Variants in COQ7 observed in about 807,000 individuals in gnomAD.
The protein encoded by COQ7 is NADPH-dependent 3-demethoxyubiquinone 3-hydroxylase, mitochondrial.
A neutral mutation model predicts 25.0 loss-of-function variants in COQ7; 21 were observed. The ratio of observed to expected loss-of-function variants is 0.84; its 90% confidence interval spans 0.60 to 1.21. The LOEUF is 1.21. COQ7 is among the 50% of genes most tolerant of loss of function. COQ7 has a pLI of 0.00. For synonymous variants in COQ7, 125 were observed against 112.4 expected (o/e 1.11, Z -0.71); for missense variants, 311 against 296.2 (o/e 1.05, Z -0.37).
intron 1 of COQ7, chr16:19,068,981 T>C (rs1235858669): frequency 2.5e-6 from 1 of 405,220 alleles, no homozygotes; most frequent in Non-Finnish European, 4.9e-6. Flanking sequence ...GTTGGGAAAG[T>C]GTTAAGGCTA....
chr16:19,075,047 C>T (rs369066700), intron 3 of COQ7, among the ~76,000 whole-genome samples: 6 of 152,076 alleles, frequency 3.9e-5, no homozygotes, highest in Non-Finnish European at 7.4e-5. Context: ...CTCTTGGCCA[C>T]GGTCAGGATA....
At chr16:19,070,008 T>G (rs968394056) in intron 1 of COQ7, among the ~76,000 whole-genome samples, 5 of 152,014 alleles carry the variant, frequency 3.3e-5, no homozygotes, top group African/African-American at 1.2e-4. Flanking sequence ...GGTCTTGAAC[T>G]CCTGGTCTCA....
downstream of COQ7, among the ~76,000 whole-genome samples, chr16:19,082,999 T>G (rs1365229754): frequency 6.6e-6 from 1 of 152,046 alleles, no homozygotes; most frequent in Non-Finnish European, 1.5e-5. Context: ...TACAGAGTGT[T>G]TTTTTGGGTG....
At chr16:19,070,400 A>G (rs1396811667) in intron 1 of COQ7, among the ~76,000 whole-genome samples, 2 of 152,234 alleles carry the variant, frequency 1.3e-5, no homozygotes, top group African/African-American at 2.4e-5. Flanking sequence ...CATAAAAGAC[A>G]TGGTAGTCAC....
chr16:19,070,382 G>T (rs1381489212), intron 1 of COQ7, among the ~76,000 whole-genome samples: 2 of 152,194 alleles, frequency 1.3e-5, no homozygotes, highest in African/African-American at 4.8e-5. Context: ...TAAGTGAAAA[G>T]AAGTTTGCAT....
intron 3 of COQ7, among the ~76,000 whole-genome samples, chr16:19,074,554 A>C (rs79430952): frequency 2.6e-5 from 4 of 151,922 alleles, no homozygotes; most frequent in Admixed American, 6.6e-5. Flanking sequence ...ACAAAAAAAA[A>C]CAAACCAGAG....
chr16:19,070,786 C>T (rs1358747188), intron 1 of COQ7, among the ~76,000 whole-genome samples: 1 of 151,840 alleles, frequency 6.6e-6, no homozygotes, highest in African/African-American at 2.4e-5. Flanking sequence ...CAGATCGAAG[C>T]TACCATTACA....
intron 3 of COQ7, among the ~76,000 whole-genome samples, chr16:19,074,804 C>T (rs748224229): frequency 6.6e-6 from 1 of 152,032 alleles, no homozygotes; most frequent in African/African-American, 2.4e-5. Context: ...CTGGCCTCCC[C>T]GAAGTGCTAG....
intron 2 of COQ7, among the ~76,000 whole-genome samples, chr16:19,073,133 C>G (rs1962648103): frequency 6.6e-6 from 1 of 152,130 alleles, no homozygotes; most frequent in Non-Finnish European, 1.5e-5. Context: ...AGGCAAAACC[C>G]TGTCTCTACT....
At position 19,075,759 on chromosome 16, in the gene COQ7, G is replaced by T; in HGVS notation, c.406G>T (p.Ala136Ser). ...TALLGKEGAM[A>S]CTVAVEESIA... ...CTTGCTCGGGAAGGAAGGTGCCATG[G>T]CCTGCACCGTGGCGGTGGAAGAGAG... The change falls in exon 4 of 6, where the codon GCC becomes TCC. Residue 136 changes from alanine to serine, a missense_variant. Ala to Ser is a moderately conservative substitution (Grantham distance 99). Transcript: ENST00000321998. The T allele has an allele frequency of 6.2e-7, 1 of 1,607,166 alleles. No individual in the cohort carries two copies. Among genetic ancestry groups the T allele is most frequent in the Non-Finnish European group, 8.5e-7 (1 of 1,176,626 alleles).
chr16:19,072,098 GT>G lies in COQ7; in HGVS notation c.245del (p.Val82AlafsTer13), dbSNP rs1423913308. ...CCTGGGTCGGACCAGCGTCGGGCCA[GT>G]CATTCAGGTGGGTGCTTCTTCATCT... ...AVLGRTSVGP[V>X]IQKMWDQEKD... On this transcript the variant is annotated frameshift_variant, in exon 2 of 6. Coordinates refer to ENST00000321998, the MANE Select transcript of COQ7 (RefSeq NM_016138.5). LOFTEE classifies it high-confidence loss of function. 5.6e-6 allele frequency: 9 copies of G among 1,614,038 alleles called. No homozygotes were observed. Among genetic ancestry groups the G allele is most frequent in the Non-Finnish European group, 7.6e-6 (9 of 1,180,038 alleles).
At chr16:19,077,399 T>C (rs1962903498) in intron 5 of COQ7, 25 bp downstream of exon 5, 13 of 1,605,020 alleles carry the variant, frequency 8.1e-6, no homozygotes, top group Non-Finnish European at 1.1e-5. Flanking sequence ...TTACCTGTTC[T>C]GCTTTGGGAC....
intron 1 of COQ7, chr16:19,068,366 A>T (rs1962352603): frequency 1.0e-6 from 1 of 989,796 alleles, no homozygotes. Flanking sequence ...GAAAATTGTC[A>T]TGAGCCCGGG....
At chr16:19,070,794 A>G (rs1421733626) in intron 1 of COQ7, among the ~76,000 whole-genome samples, 1 of 152,078 alleles carries the variant, frequency 6.6e-6, no homozygotes, top group East Asian at 1.9e-4. Context: ...AGCTACCATT[A>G]CAAACTAAAT....
At chr16:19,077,108 T>G (rs551728887) in intron 4 of COQ7, among the ~76,000 whole-genome samples, 198 bp from the exon 5 acceptor site, 4 of 152,356 alleles carry the variant, frequency 2.6e-5, no homozygotes, top group Non-Finnish European at 5.9e-5. Context: ...GTCCATTTGT[T>G]TGCATGTCTC....
chr16:19,069,506 G>A (rs531529905), intron 1 of COQ7, among the ~76,000 whole-genome samples: 1 of 151,260 alleles, frequency 6.6e-6, no homozygotes, highest in Non-Finnish European at 1.5e-5. Context: ...CGCCTCCTGG[G>A]TTCAAGTGAT....
At chr16:19,068,176 G>A in intron 1 of COQ7, 5 of 1,032,678 alleles carry the variant, frequency 4.8e-6, no homozygotes, top group Non-Finnish European at 5.8e-6. Context: ...CAGATTCTCG[G>A]GCCCCACCCC....
intron 4 of COQ7, among the ~76,000 whole-genome samples, chr16:19,076,701 C>T (rs935122864): frequency 1.3e-5 from 2 of 150,028 alleles, no homozygotes; most frequent in Non-Finnish European, 3.0e-5. Flanking sequence ...CAGCGATTCT[C>T]CTGCCTCGGC....
rs1355440354 is a variant in COQ7, at chr16:19,071,926, A to G, written c.74-2A>G. ...AACGAAGAATAAACACTTGCATTTC[A>G]GCTTATGGAAGAAGAACCAGTGTCA... On this transcript the variant is annotated splice_acceptor_variant, in intron 1 of 5. Coordinates refer to ENST00000321998, the MANE Select transcript of COQ7 (RefSeq NM_016138.5). LOFTEE classifies it high-confidence loss of function. The G allele has an allele frequency of 1.9e-6, 3 of 1,614,040 alleles. No individual in the cohort carries two copies. Among genetic ancestry groups the G allele is most frequent in the Middle Eastern group, 1.6e-4 (1 of 6,084 alleles).
Sources: allele counts gnomAD v4.1 joint callset (sites outside exome capture counted in the v4.1 genomes callset), GRCh38; gene constraint gnomAD v4.1.1; transcripts MANE v1.5; gene names NCBI Gene and HGNC (gene_info 2026-07-23, HGNC 2026-07-21).